Variants in SLC6A19 observed in about 807,000 individuals in gnomAD.
The protein encoded by SLC6A19 is sodium-dependent neutral amino acid transporter B(0)AT1.
A neutral mutation model predicts 68.3 loss-of-function variants in SLC6A19; 67 were observed. The observed-to-expected ratio is 0.98, with a 90% CI of 0.81 to 1.20. The LOEUF is 1.20. Among genes scored for constraint, SLC6A19 ranks in the 50% most tolerant of loss-of-function variants. The pLI is 0.00. For missense variants in SLC6A19, 813 were observed against 851.6 expected (o/e 0.95, Z 0.56); for synonymous variants, 392 against 374.9 (o/e 1.05, Z -0.53).
rs370140076 is a variant in SLC6A19, at chr5:1,210,369, C to T, written c.344-75C>T. On this transcript the variant is annotated intron_variant, in intron 2 of 11. Coordinates refer to ENST00000304460, the MANE Select transcript of SLC6A19 (RefSeq NM_001003841.3). ...ACACCCTGTGCCAGCCCTGGGACCT[C>T]CTGCTCAGAGTGGGGATGGGTGGCC... The T allele has an allele frequency of 2.0e-5, 32 of 1,596,274 alleles. No homozygotes were observed. The East Asian group carries it at 7.0e-4, about 35-fold the overall frequency.
intron 9 of SLC6A19, among the ~76,000 whole-genome samples, 176 bp downstream of exon 9, chr5:1,219,283 C>T (rs376071600): frequency 2.0e-5 from 3 of 150,364 alleles, no homozygotes; most frequent in South Asian, 2.1e-4. Flanking sequence ...TGTCCCCGGC[C>T]GTGTGTGCAG....
intron 1 of SLC6A19, among the ~76,000 whole-genome samples, chr5:1,206,340 A>G (rs1400980612): frequency 1.6e-5 from 2 of 128,646 alleles, no homozygotes; most frequent in African/African-American, 5.3e-5. Flanking sequence ...GTGTGTCTCC[A>G]TCTCCCCCTC....
At chr5:1,206,748 G>A (rs1469570435) in intron 1 of SLC6A19, among the ~76,000 whole-genome samples, 8 of 152,130 alleles carry the variant, frequency 5.3e-5, no homozygotes, top group African/African-American at 1.9e-4. Context: ...AGCGTGAGGA[G>A]GGGCTGTCGC....
rs568954088 is a variant in SLC6A19, at chr5:1,221,919, C to T, written c.*15C>T. 47 of 1,612,842 alleles carry T rather than the reference C, an allele frequency of 2.9e-5. No homozygotes were observed. The highest frequency in any genetic ancestry group is 2.2e-4 in the East Asian group (10 of 44,846). ...TGAAGTACTGAGAAGGCCCATCCCACGGCGTGCCATACACTGGTGTCAGGG... is the reference window on the plus strand; with the variant it reads ...TGAAGTACTGAGAAGGCCCATCCCATGGCGTGCCATACACTGGTGTCAGGG... On this transcript the variant is annotated 3_prime_UTR_variant, in exon 12 of 12. Transcript: ENST00000304460.
rs1746420372 is a variant in SLC6A19, at chr5:1,222,527, G to A, written c.*623G>A. ...GTGACGTGTGTATATGTGAGCATGT[G>A]TACGTGTGTGTATACGTGTGTTGTG... On this transcript the variant is annotated 3_prime_UTR_variant, in exon 12 of 12. Coordinates refer to ENST00000304460, the MANE Select transcript of SLC6A19 (RefSeq NM_001003841.3). 7.4e-6 allele frequency: 3 copies of A among 407,150 alleles called. No homozygotes were observed. The highest frequency in any genetic ancestry group is 2.0e-5 in the African/African-American group (1 of 49,344). The allele number at this position is 407,150 out of a possible 1,614,324, so 25.2% of individuals were successfully genotyped here.
intron 8 of SLC6A19, among the ~76,000 whole-genome samples, chr5:1,218,648 G>A (rs551376543): frequency 2.0e-5 from 3 of 152,358 alleles, no homozygotes; most frequent in African/African-American, 7.2e-5. Context: ...AGCTCCCTGT[G>A]TTGGGAGAGC....
chr5:1,212,303 G>T lies in SLC6A19; in HGVS notation c.482G>T (p.Gly161Val), dbSNP rs781251649. 4 of 1,613,246 alleles carry T rather than the reference G, an allele frequency of 2.5e-6. No homozygotes were observed. The African/African-American group carries it at 5.3e-5, about 22-fold the overall frequency. ...GGTGTGTGAATGGCCCTCTCCCCAG[G>T]GTATGTGGACGAGTGCGCCAGGAGC... ...SDCPLNENQTGYVDECARSSP... is the reference protein window; with the variant it reads ...SDCPLNENQTVYVDECARSSP... The change falls in exon 4 of 12, where the codon GGG (glycine) becomes GTG (valine). Residue 161 changes from glycine to valine, a missense_variant and splice_region_variant. By Grantham distance (109) the Gly-to-Val change is moderately radical. Coordinates refer to ENST00000304460, the MANE Select transcript of SLC6A19 (RefSeq NM_001003841.3). This position sits in a 1 kb window ranked among gnomAD's most constrained non-coding sequence, Gnocchi z 5.1.
chr5:1,218,087 C>T (rs1435023190), intron 8 of SLC6A19, among the ~76,000 whole-genome samples: 1 of 148,352 alleles, frequency 6.7e-6, no homozygotes, highest in Non-Finnish European at 1.5e-5. Flanking sequence ...GAGCGGCGTG[C>T]CTTGTATGCA....
In SLC6A19 at chr5:1,222,661, G is replaced by A. The variant is rs116945635; in HGVS notation, c.*757G>A. Reference sequence around the variant, plus strand: ...TGCATGCCAGTGTGTATGTATGTGCGCATATGGACACGCATGGACACGCAT... The same window carrying A: ...TGCATGCCAGTGTGTATGTATGTGCACATATGGACACGCATGGACACGCAT... On this transcript the variant is annotated 3_prime_UTR_variant, in exon 12 of 12. Transcript: ENST00000304460. The A allele has an allele frequency of 3.4e-3, 749 of 220,866 alleles. 24 individuals are homozygous for A. In the East Asian group the frequency reaches 0.047, roughly 14 times the overall value. The allele number at this position is 220,866 out of a possible 1,614,324, so 13.7% of individuals were successfully genotyped here.
In SLC6A19 at chr5:1,221,227, C is replaced by A. The variant is rs1361063154; in HGVS notation, c.1615C>A (p.Pro539Thr). 6 of 1,614,144 alleles carry A rather than the reference C, an allele frequency of 3.7e-6. No individual in the cohort carries two copies. The highest frequency in any genetic ancestry group is 1.7e-5 in the Admixed American group (1 of 60,024). ...FWQVTWRVVS[P>T]LLMLIIFLFF... Reference sequence around the variant, plus strand: ...GCAAGTCACGTGGCGCGTGGTCAGCCCCCTGCTCATGCTGATCATCTTCCT... The same window carrying A: ...GCAAGTCACGTGGCGCGTGGTCAGCACCCTGCTCATGCTGATCATCTTCCT... Residue 539 changes from proline (P) to threonine (T), a missense_variant, in exon 11 of 12, where the codon CCC becomes ACC. Coordinates refer to ENST00000304460, the MANE Select transcript of SLC6A19 (RefSeq NM_001003841.3).
Position 1,214,005 on chromosome 5 carries a change from T to TCTTCTC in SLC6A19, c.835_840dup (p.Phe279_Ser280dup). On this transcript the variant is annotated inframe_insertion, in exon 6 of 12. Coordinates refer to ENST00000304460, the MANE Select transcript of SLC6A19 (RefSeq NM_001003841.3). The surrounding 1 kb of genome is among the most constrained non-coding windows in gnomAD (Gnocchi z 7.4). The stretch of plus-strand genomic sequence containing the variant: ...TGGCTGGACGCGGGCGCACAGGTCT[T>TCTTCTC]CTTCTCCTTCTCCCTGGCCTTCGGG... 1 of 1,613,750 alleles carries TCTTCTC rather than the reference T, an allele frequency of 6.2e-7. No homozygotes were observed. Among genetic ancestry groups the TCTTCTC allele is most frequent in the Non-Finnish European group, 8.5e-7 (1 of 1,180,010 alleles).
intron 10 of SLC6A19, among the ~76,000 whole-genome samples, chr5:1,220,679 C>T (rs1379373550): frequency 6.6e-6 from 1 of 152,228 alleles, no homozygotes; most frequent in Non-Finnish European, 1.5e-5. Context: ...TGGGTGTAAC[C>T]TTCTGCCTGC....
Position 1,208,806 on chromosome 5 carries a change from T to C in SLC6A19, c.263T>C (p.Leu88Pro), listed in dbSNP as rs368177876. 117 of 1,613,046 alleles carry C rather than the reference T, an allele frequency of 7.3e-5. No individual in the cohort carries two copies. Among genetic ancestry groups the C allele is most frequent in the Non-Finnish European group, 9.5e-5 (112 of 1,179,964 alleles). ...CTGGAGGGCATCCCCCTGCTGTACC[T>C]GGAGTTCGCCATCGGGCAGCGGCTG... ...LVLEGIPLLY[L>P]EFAIGQRLRR... The change falls in exon 2 of 12, where the codon CTG becomes CCG. Residue 88 changes from leucine to proline, a missense_variant. By Grantham distance (98) the Leu-to-Pro change is moderately conservative (BLOSUM62 -3). Transcript: ENST00000304460.
At position 1,212,836 on chromosome 5, in the gene SLC6A19, G is replaced by A. The variant is rs1323794367; in HGVS notation, c.663+352G>A. ...AAAACAGGAAAGTGGAAATGGAAGA[G>A]TAAGGCTTGATCTTCCCCTACATGG... On this transcript the variant is annotated intron_variant, in intron 4 of 11. Coordinates refer to ENST00000304460, the MANE Select transcript of SLC6A19 (RefSeq NM_001003841.3). The surrounding 1 kb of genome is among the most constrained non-coding windows in gnomAD (Gnocchi z 5.1). Among the ~76,000 whole-genome samples, 1 of 152,090 alleles carries A rather than the reference G, an allele frequency of 6.6e-6. No homozygotes were observed. The highest frequency in any genetic ancestry group is 3.2e-3 in the Middle Eastern group (1 of 316).
chr5:1,205,427 T>C (rs997744857), intron 1 of SLC6A19, among the ~76,000 whole-genome samples: 9 of 152,270 alleles, frequency 5.9e-5, no homozygotes, highest in Non-Finnish European at 1.0e-4. Context: ...GGAGTGGGTG[T>C]GTGCCCCCCA....
Position 1,216,673 on chromosome 5 carries a change from G to T in SLC6A19, c.1003G>T (p.Asp335Tyr), listed in dbSNP as rs147646554. The T allele has an allele frequency of 3.7e-6, 6 of 1,613,688 alleles. No individual in the cohort carries two copies. Among genetic ancestry groups the T allele is most frequent in the Non-Finnish European group, 5.1e-6 (6 of 1,180,036 alleles). Residue 335 changes from aspartate to tyrosine, a missense_variant, in exon 7 of 12, where the codon GAC (aspartate) becomes TAC (tyrosine). Physicochemically the swap from Asp to Tyr is radical, Grantham distance 160. Transcript: ENST00000304460. The part of the protein sequence containing the change: ...IGFRATQRYD[D>Y]CFSTNILTLI... ...GTTCCGCGCCACACAGCGCTACGAC[G>T]ACTGCTTCAGCACGTGAGTGGCTGT...
rs370731066 is a variant in SLC6A19, at chr5:1,212,499, C to T, written c.663+15C>T. On this transcript the variant is annotated intron_variant, in intron 4 of 11. Transcript: ENST00000304460. The surrounding 1 kb of genome is among the most constrained non-coding windows in gnomAD (Gnocchi z 5.1). The stretch of plus-strand genomic sequence containing the variant: ...CCACCGGGAAGGTACTGCATGGGCC[C>T]GGCCAGGCTGCAGGTGCTCCAGAGG... The T allele has an allele frequency of 1.9e-5, 30 of 1,604,466 alleles. No homozygotes were observed. In the African/African-American group the frequency reaches 2.0e-4, roughly 11 times the overall value.
chr5:1,221,015 GA>G, intron 10 of SLC6A19, 135 bp from the exon 11 acceptor site: 1 of 1,069,706 alleles, frequency 9.3e-7, no homozygotes. Context: ...GACCAGGAGG[GA>G]GGGATCGGGC....
Position 1,212,585 on chromosome 5 carries a change from C to T in SLC6A19, c.663+101C>T, listed in dbSNP as rs532048075. Reference sequence around the variant, plus strand: ...CTCTAAAACCCAGGTCTGGGGGTCCCGGGCTCTGCCTTTCCCCAGACCCCA... The same window carrying T: ...CTCTAAAACCCAGGTCTGGGGGTCCTGGGCTCTGCCTTTCCCCAGACCCCA... On this transcript the variant is annotated intron_variant, in intron 4 of 11. Coordinates refer to ENST00000304460, the MANE Select transcript of SLC6A19 (RefSeq NM_001003841.3). This position sits in a 1 kb window ranked among gnomAD's most constrained non-coding sequence, Gnocchi z 5.1. 50 of 1,450,532 alleles carry T rather than the reference C, an allele frequency of 3.4e-5. No homozygotes were observed. Among genetic ancestry groups the T allele is most frequent in the African/African-American group, 8.4e-5 (6 of 71,754 alleles). 89.9% of individuals were successfully genotyped at this position (1,450,532 alleles called of 1,614,324 possible).
Sources: allele counts gnomAD v4.1 joint callset (sites outside exome capture counted in the v4.1 genomes callset), GRCh38; gene constraint gnomAD v4.1.1; non-coding constraint Gnocchi (gnomAD v3.1); transcripts MANE v1.5; gene names NCBI Gene and HGNC (gene_info 2026-07-23, HGNC 2026-07-21).